CSMD1: variants seen among roughly 807,000 people sequenced by gnomAD.
CSMD1 encodes CUB and sushi domain-containing protein 1.
In CSMD1, 213 loss-of-function variants were observed where a neutral mutation model predicts 417.5. The observed-to-expected ratio is 0.51, with a 90% CI of 0.46 to 0.57. The LOEUF (loss-of-function observed/expected upper bound fraction) is 0.57, where lower values mean the gene tolerates loss of function less well. CSMD1 is among the 20% of genes least tolerant of loss of function. CSMD1 has a pLI of 0.00. For synonymous variants in CSMD1, 2,862 were observed against 1,736.8 expected, an observed-to-expected ratio of 1.65 and a Z score of -16.11; for missense variants, 6,923 against 4,529.7, an observed-to-expected ratio of 1.53 and a Z score of -15.17.
intron 2 of CSMD1, among the ~76,000 whole-genome samples, chr8:4,444,532 C>A (rs1319319462): frequency 1.3e-5 from 2 of 151,782 alleles, no homozygotes; most frequent in African/African-American, 4.8e-5. Flanking sequence ...CCACGGAGAA[C>A]AATAATGTCC....
chr8:4,542,289 A>T (rs1014542081), intron 2 of CSMD1, among the ~76,000 whole-genome samples: 1 of 152,128 alleles, frequency 6.6e-6, no homozygotes, highest in Non-Finnish European at 1.5e-5. Context: ...AGTCAACAAA[A>T]CCCATGAATA....
intron 5 of CSMD1, among the ~76,000 whole-genome samples, chr8:3,897,299 G>C (rs964210572): frequency 6.6e-6 from 1 of 152,158 alleles, no homozygotes; most frequent in African/African-American, 2.4e-5. Flanking sequence ...CTTAAGAGCT[G>C]TGTGCAGGAG....
intron 4 of CSMD1, among the ~76,000 whole-genome samples, chr8:4,001,773 A>G (rs1053732770): frequency 2.6e-5 from 4 of 152,184 alleles, no homozygotes; most frequent in Admixed American, 6.5e-5. Context: ...CAGAGCACTG[A>G]CTGCAACAGA....
intron 2 of CSMD1, among the ~76,000 whole-genome samples, chr8:4,510,390 T>TAAAAAAAAAAAAAAAAGA (rs1802751417): frequency 7.3e-5 from 4 of 54,618 alleles, no homozygotes; most frequent in African/African-American, 3.1e-4. Context: ...GCATAATGCC[T>TAAAAAAAAAAAAAAAAGA]AAAAAAAAAA....
chr8:3,935,183 A>G (rs906944655), intron 5 of CSMD1, among the ~76,000 whole-genome samples: 1 of 152,228 alleles, frequency 6.6e-6, no homozygotes, highest in Non-Finnish European at 1.5e-5. Flanking sequence ...CGTCTCCAAG[A>G]AAGTTCTTAC....
At chr8:3,689,720 C>T (rs79190678) in intron 7 of CSMD1, among the ~76,000 whole-genome samples, 1 of 77,726 alleles carries the variant, frequency 1.3e-5, no homozygotes. Flanking sequence ...ATAATCAATC[C>T]CTTTTTAGTG....
intron 1 of CSMD1, among the ~76,000 whole-genome samples, chr8:4,668,942 T>C (rs1304934673): frequency 6.6e-6 from 1 of 152,212 alleles, no homozygotes; most frequent in African/African-American, 2.4e-5. Context: ...AATTCATCTA[T>C]TATTTCTGAA....
At chr8:4,060,795 A>T (rs954249529) in intron 3 of CSMD1, among the ~76,000 whole-genome samples, 3 of 152,222 alleles carry the variant, frequency 2.0e-5, no homozygotes, top group African/African-American at 7.2e-5. Context: ...TGAGATTAAA[A>T]AAAGGTAGGA....
Position 3,616,788 on chromosome 8 carries a change from C to T in CSMD1, c.1019G>A (p.Gly340Glu), listed in dbSNP as rs1222649079. 1.9e-6 allele frequency: 3 copies of T among 1,609,558 alleles called. No individual in the cohort carries two copies. Among genetic ancestry groups the T allele is most frequent in the East Asian group, 4.5e-5 (2 of 44,784 alleles). Residue 340 changes from glycine (G) to glutamate (E), a missense_variant, in exon 8 of 70, where the codon GGA (glycine) becomes GAA (glutamate). Physicochemically the swap from Gly to Glu is moderately conservative, Grantham distance 98. Transcript: ENST00000635120. Reference protein sequence around the residue: ...GSHKNSVLSQGGVALVSDMCP... With the variant: ...GSHKNSVLSQEGVALVSDMCP... ...CATGTCAGAGACCAATGCAACACCT[C>T]CTTGGCTCACTGTAATAGACAGAAA...
chr8:4,826,925 C>T (rs1799865706), intron 1 of CSMD1, among the ~76,000 whole-genome samples: 1 of 152,056 alleles, frequency 6.6e-6, no homozygotes, highest in African/African-American at 2.4e-5. Flanking sequence ...TATCTAGTGC[C>T]AGCTTACTAC....
chr8:4,825,767 G>A (rs1203401723), intron 1 of CSMD1, among the ~76,000 whole-genome samples: 2 of 146,928 alleles, frequency 1.4e-5, no homozygotes, highest in Admixed American at 7.1e-5. Flanking sequence ...TATACATGAA[G>A]CTTCTACAAA....
chr8:3,547,018 G>A (rs765928581), intron 10 of CSMD1, among the ~76,000 whole-genome samples: 14 of 152,316 alleles, frequency 9.2e-5, no homozygotes, highest in East Asian at 1.9e-4. Flanking sequence ...GTCCACAGAT[G>A]TGGGGCTGGT....
chr8:3,789,091 G>C (rs1167450407), intron 5 of CSMD1, among the ~76,000 whole-genome samples: 1 of 152,178 alleles, frequency 6.6e-6, no homozygotes, highest in Non-Finnish European at 1.5e-5. Flanking sequence ...CCAACATGGG[G>C]GGATTAGGTG....
intron 3 of CSMD1, among the ~76,000 whole-genome samples, chr8:4,147,939 C>T (rs1367688207): frequency 6.6e-6 from 1 of 152,048 alleles, no homozygotes; most frequent in Non-Finnish European, 1.5e-5. Flanking sequence ...CTCTGGGGTG[C>T]ACCAGGTAGA....
At chr8:4,929,441 A>G (rs965734949) in intron 1 of CSMD1, among the ~76,000 whole-genome samples, 1 of 152,208 alleles carries the variant, frequency 6.6e-6, no homozygotes, top group Non-Finnish European at 1.5e-5. Context: ...TAGAAGTTTA[A>G]TTCACAAAGA....
In CSMD1 at chr8:4,120,828, C is replaced by G. The variant is rs137920228; in HGVS notation, c.416-88729G>C. Among the ~76,000 whole-genome samples the G allele has an allele frequency of 2.5e-3, 377 of 152,250 alleles. 2 individuals carry two copies. Among genetic ancestry groups the G allele is most frequent in the African/African-American group, 8.2e-3 (340 of 41,568 alleles). On this transcript the variant is annotated intron_variant, in intron 3 of 69. Coordinates refer to ENST00000635120, the MANE Select transcript of CSMD1 (RefSeq NM_033225.6). ...TCATGACATGCCAGAAATCACAAAA[C>G]AAAGGAGGGAGAAGTCTTTTAAAAT...
In CSMD1 at chr8:4,478,694, G is replaced by A. The variant is rs183713052; in HGVS notation, c.303-58629C>T. ...TATATGGCCATGGTGCATGTTAACT[G>A]GTTACTTGTAAAGCTGATTCTTCTC... On this transcript the variant is annotated intron_variant, in intron 2 of 69. Coordinates refer to ENST00000635120, the MANE Select transcript of CSMD1 (RefSeq NM_033225.6). 2.4e-3 allele frequency among the ~76,000 whole-genome samples: 358 copies of A among 152,210 alleles called. 9 individuals are homozygous for A. Among genetic ancestry groups the A allele is most frequent in the Admixed American group, 0.021 (320 of 15,292 alleles).
chr8:4,054,398 T>G (rs1305249979), intron 3 of CSMD1, among the ~76,000 whole-genome samples: 1 of 152,172 alleles, frequency 6.6e-6, no homozygotes, highest in Non-Finnish European at 1.5e-5. Context: ...CCGAGCCATC[T>G]ACCCTAGCTA....
intron 5 of CSMD1, among the ~76,000 whole-genome samples, chr8:3,801,108 G>A (rs1380271775): frequency 6.6e-6 from 1 of 151,750 alleles, no homozygotes; most frequent in Non-Finnish European, 1.5e-5. Flanking sequence ...AAAGAAGACG[G>A]AAAGGTTAAA....
Sources: allele counts gnomAD v4.1 joint callset (sites outside exome capture counted in the v4.1 genomes callset), GRCh38; gene constraint gnomAD v4.1.1; transcripts MANE v1.5; gene names NCBI Gene and HGNC (gene_info 2026-07-23, HGNC 2026-07-21).